Variants in NEBL observed in about 807,000 individuals in gnomAD.
NEBL encodes the protein nebulette, also known as LIM and SH3 protein 2.
NEBL carries 122 observed loss-of-function variants against 140.2 expected under a neutral mutation model. The observed-to-expected ratio is 0.87, with a 90% CI of 0.75 to 1.01. The LOEUF (loss-of-function observed/expected upper bound fraction) is 1.01. NEBL is among the 50% of genes least tolerant of loss of function. NEBL has a pLI of 0.00. For missense variants in NEBL, 1,365 were observed against 1,231.3 expected, an observed-to-expected ratio of 1.11 and a Z score of -1.62; for synonymous variants, 436 against 398.9, an observed-to-expected ratio of 1.09 and a Z score of -1.11.
chr10:21,208,216 G>T (rs540061844), intron 3 of NEBL, among the ~76,000 whole-genome samples: 1 of 152,208 alleles, frequency 6.6e-6, no homozygotes, highest in Admixed American at 6.5e-5. Context: ...CATAGAAATT[G>T]CATTCTTTGA....
chr10:21,157,165 G>T (rs1840365937), intron 2 of NEBL, among the ~76,000 whole-genome samples: 1 of 152,124 alleles, frequency 6.6e-6, no homozygotes, highest in Non-Finnish European at 1.5e-5. Context: ...GGAAGAAACA[G>T]ACACTGTGGT....
chr10:21,248,099 C>T (rs1842540875), intron 2 of NEBL: 1 of 224,402 alleles, frequency 4.5e-6, no homozygotes, highest in Non-Finnish European at 1.0e-5. Context: ...TGATCAGGGT[C>T]TCATTCTGTT....
rs568097806 is a variant in NEBL at position 21,011,077 on chromosome 10, T to C, written c.249+9040A>G. Among the ~76,000 whole-genome samples, 4 of 152,254 alleles carry C rather than the reference T, an allele frequency of 2.6e-5. No homozygotes were observed. In the East Asian group the frequency reaches 7.7e-4, roughly 29 times the overall value. ...TTTTTCAAGTTCTTTTATTGCTACATTGAGACATTATTGCAGAACATTTTT... is the reference window on the plus strand; with the variant it reads ...TTTTTCAAGTTCTTTTATTGCTACACTGAGACATTATTGCAGAACATTTTT... On this transcript the variant is annotated intron_variant, in intron 3 of 6. Transcript: ENST00000417816.
chr10:21,142,606 ATTTACT>A (rs1839685745), intron 2 of NEBL, among the ~76,000 whole-genome samples: 1 of 152,286 alleles, frequency 6.6e-6, no homozygotes, highest in East Asian at 1.9e-4. Context: ...TGGAAAAATG[ATTTACT>A]TTTAATATTT....
At chr10:20,807,136 A>G (rs1444701394) in intron 26 of NEBL, among the ~76,000 whole-genome samples, 1 of 152,012 alleles carries the variant, frequency 6.6e-6, no homozygotes, top group African/African-American at 2.4e-5. Flanking sequence ...ACCAGCATGG[A>G]CAACATTGCG....
At chr10:20,957,990 T>C (rs1564462131) in intron 4 of NEBL, among the ~76,000 whole-genome samples, 1 of 152,200 alleles carries the variant, frequency 6.6e-6, no homozygotes, top group Non-Finnish European at 1.5e-5. Context: ...CATCAGTAAT[T>C]TTCCCAAGGC....
intron 3 of NEBL, among the ~76,000 whole-genome samples, chr10:21,199,360 T>C (rs1243874175): frequency 1.3e-5 from 2 of 152,154 alleles, no homozygotes; most frequent in Non-Finnish European, 2.9e-5. Flanking sequence ...TAAAAAATCA[T>C]TATGTTTCTT....
rs546085545 is a variant in NEBL, at chr10:20,938,673, A to G, written c.357+22999T>C. Among the ~76,000 whole-genome samples, 491 of 152,294 alleles carry G rather than the reference A, an allele frequency of 3.2e-3. 5 individuals carry two copies. Among genetic ancestry groups the G allele is most frequent in the African/African-American group, 0.012 (478 of 41,548 alleles). On this transcript the variant is annotated intron_variant, in intron 4 of 6. Transcript: ENST00000417816. ...AGGAGGAAGTTCGAACCCATGGCAA[A>G]GAAGTTAAAAACTTGAAAAAAAATT... is the stretch of plus-strand genomic sequence containing the variant.
At chr10:21,166,712 T>C (rs953145337) in intron 2 of NEBL, among the ~76,000 whole-genome samples, 1 of 152,234 alleles carries the variant, frequency 6.6e-6, no homozygotes, top group African/African-American at 2.4e-5. Context: ...ATCGAGAGAC[T>C]TGCTCAGTAG....
chr10:20,994,685 A>G (rs1837596729), intron 3 of NEBL, among the ~76,000 whole-genome samples: 1 of 152,202 alleles, frequency 6.6e-6, no homozygotes, highest in African/African-American at 2.4e-5. Context: ...GATAACATAA[A>G]CAGTCGATTA....
At chr10:21,227,245 T>A (rs879839828) in intron 3 of NEBL, among the ~76,000 whole-genome samples, 36 of 152,198 alleles carry the variant, frequency 2.4e-4, no homozygotes, top group Non-Finnish European at 4.4e-5. Flanking sequence ...TTTCAGGACA[T>A]CCTCCTTGCC....
chr10:21,114,069 A>C (rs1283363859), intron 2 of NEBL, among the ~76,000 whole-genome samples: 1 of 151,882 alleles, frequency 6.6e-6, no homozygotes, highest in Non-Finnish European at 1.5e-5. Flanking sequence ...TTTCCCTTTA[A>C]GCATTGTTTA....
chr10:20,782,182 C>A lies in NEBL; in HGVS notation c.*3565G>T, dbSNP rs1835079216. On this transcript the variant is annotated 3_prime_UTR_variant, in exon 28 of 28. Transcript: ENST00000377122. ...ATCTGAGGAGCATCCCACTTCCCTA[C>A]CACAAAAATATCAATCATGTGTAAT... 6.6e-6 allele frequency: 1 copy of A among 152,536 alleles called. No individual in the cohort carries two copies. Among genetic ancestry groups the A allele is most frequent in the Admixed American group, 6.6e-5 (1 of 15,262 alleles). 9.4% of individuals were successfully genotyped at this position (152,536 alleles called of 1,614,324 possible). A position where few individuals can be genotyped will look rare whatever the true frequency, so the allele number is the denominator to read the frequency against.
intron 2 of NEBL, among the ~76,000 whole-genome samples, chr10:21,071,389 A>G (rs1211517716): frequency 6.6e-6 from 1 of 151,920 alleles, no homozygotes. Context: ...TTTGTCCTCG[A>G]GTGAGTTGTT....
At chr10:21,196,739 G>A (rs1351801637) in intron 3 of NEBL, among the ~76,000 whole-genome samples, 1 of 152,154 alleles carries the variant, frequency 6.6e-6, no homozygotes, top group African/African-American at 2.4e-5. Flanking sequence ...TACTCAGCTT[G>A]TATGCAGTAC....
At chr10:20,869,238 A>G (rs945316865) in intron 6 of NEBL, among the ~76,000 whole-genome samples, 12 of 152,204 alleles carry the variant, frequency 7.9e-5, no homozygotes, top group African/African-American at 2.9e-4. Context: ...ATTTCCAACC[A>G]GGGTTTTCAG....
At chr10:20,922,745 C>G (rs1457784844) in intron 4 of NEBL, among the ~76,000 whole-genome samples, 1 of 152,194 alleles carries the variant, frequency 6.6e-6, no homozygotes, top group African/African-American at 2.4e-5. Context: ...AGCTAAGGAA[C>G]ATTCTGAGCA....
intron 2 of NEBL, among the ~76,000 whole-genome samples, chr10:21,035,866 T>C (rs970594928): frequency 1.8e-4 from 27 of 151,988 alleles, no homozygotes; most frequent in African/African-American, 6.0e-4. Flanking sequence ...AGAGAGTTGT[T>C]TAAAAGAATA....
chr10:20,955,911 CA>C (rs11388003), intron 4 of NEBL, among the ~76,000 whole-genome samples: 1,492 of 140,120 alleles, frequency 0.011, 15 homozygotes, highest in African/African-American at 0.027. Context: ...TCTCTTGTTT[CA>C]AAAAAAAAAA....
Sources: gnomAD v4.1 joint callset for allele counts (sites outside exome capture counted in the v4.1 genomes callset) on GRCh38, gnomAD v4.1.1 for gene constraint, MANE v1.5 for transcripts, NCBI Gene and HGNC (gene_info 2026-07-23, HGNC 2026-07-21) for gene names.